CFAP43: variants seen among roughly 807,000 people sequenced by gnomAD.
The protein encoded by CFAP43 is cilia and flagella associated protein 43, also known as cilia- and flagella-associated protein 43.
In CFAP43, 155 loss-of-function variants were observed where a neutral mutation model predicts 218.9. That is an observed-to-expected ratio of 0.71 (90% confidence interval 0.62 to 0.81). The LOEUF (loss-of-function observed/expected upper bound fraction) is 0.81. CFAP43 is among the 30% of genes least tolerant of loss of function. The pLI, the probability that CFAP43 is intolerant of heterozygous loss-of-function variation, is 0.00. For synonymous variants in CFAP43, 645 were observed against 681.3 expected (o/e 0.95, Z 0.83); for missense variants, 1,778 against 1,954.3 (o/e 0.91, Z 1.70).
At chr10:104,213,263 T>G (rs907357531) in intron 4 of CFAP43, among the ~76,000 whole-genome samples, 2 of 152,214 alleles carry the variant, frequency 1.3e-5, no homozygotes, top group African/African-American at 4.8e-5. Context: ...AGGCGATTTA[T>G]CAAAATTGCA....
rs200315420 is a variant in CFAP43, at chr10:104,166,718, G to A, written c.2809C>T (p.Leu937=). 1 of 1,594,558 alleles carries A rather than the reference G, an allele frequency of 6.3e-7. No individual in the cohort carries two copies. Among genetic ancestry groups the A allele is most frequent in the Admixed American group, 1.8e-5 (1 of 56,388 alleles). ...TGAGCCTCTACAATTTCCTTCCGTA[G>A]CTACATGTAGAAAAAGATGACACAG... ...QKKIEAECLK[L]RKEIVEAQSG... Residue 937 remains leucine, a splice_region_variant and synonymous_variant, in exon 23 of 38, where the codon CTA becomes TTA. Transcript: ENST00000357060.
intron 19 of CFAP43, among the ~76,000 whole-genome samples, chr10:104,177,755 T>C (rs1448239512): frequency 1.3e-5 from 2 of 152,134 alleles, no homozygotes; most frequent in South Asian, 2.1e-4. Flanking sequence ...TCTCCAAAGA[T>C]AAAAATCTGG....
Position 104,131,390 on chromosome 10 carries a change from C to T in CFAP43, c.4772G>A (p.Cys1591Tyr), listed in dbSNP as rs747486258. The T allele has an allele frequency of 1.2e-6, 2 of 1,613,714 alleles. No individual in the cohort carries two copies. Among genetic ancestry groups the T allele is most frequent in the Non-Finnish European group, 1.7e-6 (2 of 1,179,894 alleles). Residue 1591 changes from cysteine to tyrosine, a missense_variant, in exon 37 of 38, where the codon TGC (cysteine) becomes TAC (tyrosine). This residue lies in a region of CFAP43 where 211 missense variants were observed against 230.6 expected (regional missense o/e 0.91). Coordinates refer to ENST00000357060, the MANE Select transcript of CFAP43 (RefSeq NM_025145.7). ...QKDIANYALS[C>Y]NLREELVAVS... ...AGCTACCAACTCTTCTCGTAGATTG[C>T]AGCTTAGGGCATAATTTGCTATATC...
intron 3 of CFAP43, among the ~76,000 whole-genome samples, chr10:104,222,859 A>G (rs2091218400): frequency 6.6e-6 from 1 of 152,226 alleles, no homozygotes; most frequent in Admixed American, 6.5e-5. Context: ...AGCAAACTCA[A>G]ATGCTTATAG....
intron 31 of CFAP43, among the ~76,000 whole-genome samples, 161 bp from the exon 32 acceptor site, chr10:104,143,800 T>A (rs2087818883): frequency 6.6e-6 from 1 of 152,210 alleles, no homozygotes; most frequent in Non-Finnish European, 1.5e-5. Flanking sequence ...GGGATCCACT[T>A]TGCCCTTCTT....
At chr10:104,160,107 G>C (rs911071040) in intron 27 of CFAP43, among the ~76,000 whole-genome samples, 3 of 152,208 alleles carry the variant, frequency 2.0e-5, no homozygotes, top group Non-Finnish European at 4.4e-5. Flanking sequence ...GTTTCAGCAG[G>C]TGAGTACAAA....
intron 24 of CFAP43, among the ~76,000 whole-genome samples, chr10:104,163,657 T>G (rs2088995883): frequency 6.6e-6 from 1 of 152,176 alleles, no homozygotes; most frequent in Non-Finnish European, 1.5e-5. Context: ...CCAACCACTC[T>G]GGGTACAGGC....
intron 3 of CFAP43, among the ~76,000 whole-genome samples, chr10:104,217,488 A>C (rs150059830): frequency 6.6e-6 from 1 of 152,250 alleles, no homozygotes; most frequent in East Asian, 1.9e-4. Flanking sequence ...TACATCACTG[A>C]ATTTTCTCTA....
At chr10:104,172,599 C>A in intron 19 of CFAP43, 64 bp from the exon 20 acceptor site, 46 of 1,396,844 alleles carry the variant, frequency 3.3e-5, no homozygotes, top group Non-Finnish European at 4.3e-5. Context: ...AGATAATTTT[C>A]TTAGTTTCTT....
At chr10:104,155,051 G>C (rs1273119246) in intron 27 of CFAP43, among the ~76,000 whole-genome samples, 1 of 152,154 alleles carries the variant, frequency 6.6e-6, no homozygotes, top group African/African-American at 2.4e-5. Flanking sequence ...AGCCATCTCA[G>C]GTGGCCCAGC....
chr10:104,146,829 G>A (rs2087998564), intron 29 of CFAP43, among the ~76,000 whole-genome samples: 1 of 152,088 alleles, frequency 6.6e-6, no homozygotes, highest in Non-Finnish European at 1.5e-5. Context: ...CTATAATTTT[G>A]TCCCCATTTC....
intron 21 of CFAP43, among the ~76,000 whole-genome samples, chr10:104,168,148 G>A (rs983049885): frequency 8.5e-5 from 13 of 152,154 alleles, no homozygotes; most frequent in African/African-American, 3.1e-4. Context: ...AACAAGAAAT[G>A]ATCCAGCCCA....
At chr10:104,158,415 A>C (rs556184578) in intron 27 of CFAP43, among the ~76,000 whole-genome samples, 2 of 152,336 alleles carry the variant, frequency 1.3e-5, no homozygotes, top group African/African-American at 4.8e-5. Flanking sequence ...TGCACTGAAG[A>C]CACAGCATCA....
chr10:104,206,414 G>A (rs149049591), intron 6 of CFAP43, among the ~76,000 whole-genome samples: 9 of 152,310 alleles, frequency 5.9e-5, no homozygotes, highest in African/African-American at 1.9e-4. Flanking sequence ...ATGGGCTAGA[G>A]GCATGTCTGT....
intron 5 of CFAP43, among the ~76,000 whole-genome samples, chr10:104,208,708 T>C (rs2090768475): frequency 6.6e-6 from 1 of 152,226 alleles, no homozygotes; most frequent in Non-Finnish European, 1.5e-5. Flanking sequence ...AATTTAATCC[T>C]GCTTTAGAAA....
intron 14 of CFAP43, among the ~76,000 whole-genome samples, chr10:104,186,995 T>A (rs545894257): frequency 6.6e-6 from 1 of 152,248 alleles, no homozygotes; most frequent in Non-Finnish European, 1.5e-5. Context: ...AATCAAATCA[T>A]CTACCTTGTA....
intron 34 of CFAP43, among the ~76,000 whole-genome samples, chr10:104,139,930 A>T (rs1233972971): frequency 6.6e-6 from 1 of 152,230 alleles, no homozygotes; most frequent in Non-Finnish European, 1.5e-5. Context: ...GTAAAAATAA[A>T]ATGTACAGTA....
chr10:104,219,112 C>T (rs2091106243), intron 3 of CFAP43, among the ~76,000 whole-genome samples: 1 of 151,960 alleles, frequency 6.6e-6, no homozygotes, highest in African/African-American at 2.4e-5. Context: ...TCATCTTCCC[C>T]CATTGCCTCC....
In CFAP43 at chr10:104,179,120, A is replaced by C. The variant is rs1229551331; in HGVS notation, c.2383-14T>G. ...CTTTTTGATGGCCTGAAACAGAACA[A>C]GTATATCACTTAACAAAGCAAGAGA... On this transcript the variant is annotated splice_polypyrimidine_tract_variant and intron_variant, in intron 18 of 37. Coordinates refer to ENST00000357060, the MANE Select transcript of CFAP43 (RefSeq NM_025145.7). The C allele has an allele frequency of 6.3e-7, 1 of 1,597,164 alleles. No individual in the cohort carries two copies. The highest frequency in any genetic ancestry group is 2.2e-5 in the East Asian group (1 of 44,674).
Sources: gnomAD v4.1 joint callset for allele counts (sites outside exome capture counted in the v4.1 genomes callset) on GRCh38, gnomAD v4.1.1 for gene constraint, gnomAD v4.1.1 regional missense constraint, MANE v1.5 for transcripts, NCBI Gene and HGNC (gene_info 2026-07-23, HGNC 2026-07-21) for gene names.